The following MAST4 variants were observed in gnomAD, a reference collection of about 807,000 sequenced individuals.
MAST4 encodes microtubule-associated serine/threonine-protein kinase 4.
A neutral mutation model predicts 162.7 loss-of-function variants in MAST4; 89 were observed. The observed-to-expected ratio is 0.55, with a 90% CI of 0.46 to 0.65. MAST4 has a LOEUF of 0.65. Among genes scored for constraint, MAST4 ranks in the 30% least tolerant of loss-of-function variants. The probability of loss-of-function intolerance (pLI) is 0.00; values close to 1 mark genes in which losing one functional copy is unlikely to be tolerated. For synonymous variants in MAST4, 1,479 were observed against 1,361.1 expected (o/e 1.09, Z -1.91); for missense variants, 3,153 against 3,374.0 (o/e 0.93, Z 1.62).
At chr5:66,945,977 G>T (rs1251128204) in intron 4 of MAST4, among the ~76,000 whole-genome samples, 1 of 152,152 alleles carries the variant, frequency 6.6e-6, no homozygotes, top group Non-Finnish European at 1.5e-5. Context: ...TGTGTGTTAG[G>T]TAGAAGGGTT....
chr5:67,077,858 G>A (rs887549861), intron 5 of MAST4, among the ~76,000 whole-genome samples: 1 of 152,142 alleles, frequency 6.6e-6, no homozygotes, highest in African/African-American at 2.4e-5. Context: ...CCAGCACTTT[G>A]GGAGGCCGAG....
intron 1 of MAST4, among the ~76,000 whole-genome samples, chr5:66,688,158 T>G (rs1270715599): frequency 6.6e-6 from 1 of 152,222 alleles, no homozygotes; most frequent in Non-Finnish European, 1.5e-5. Context: ...CACTTCCCAG[T>G]AGGTTCACAA....
chr5:66,673,523 G>GTTTTTTTTT (rs1208217801), intron 1 of MAST4, among the ~76,000 whole-genome samples: 131 of 131,294 alleles, frequency 1.0e-3, no homozygotes, highest in South Asian at 1.8e-3. Context: ...TTTGTTTTTT[G>GTTTTTTTTT]TTTTTTGTTT....
At position 67,133,822 on chromosome 5, in the gene MAST4, G is replaced by C. The variant is rs1382414104; in HGVS notation, c.2226+176G>C. Reference sequence around the variant, plus strand: ...CCCATTTTTCTCCCTGGGCCTCTTTGAATTGTCTGCTCCCTCTACATTCCT... The same window carrying C: ...CCCATTTTTCTCCCTGGGCCTCTTTCAATTGTCTGCTCCCTCTACATTCCT... On this transcript the variant is annotated intron_variant, in intron 17 of 28. Transcript: ENST00000403625. 2.6e-5 allele frequency among the ~76,000 whole-genome samples: 4 copies of C among 152,140 alleles called. No homozygotes were observed. In the East Asian group the frequency reaches 7.7e-4, roughly 29 times the overall value.
At chr5:67,128,940 G>A (rs1768586171) in intron 14 of MAST4, among the ~76,000 whole-genome samples, 1 of 152,186 alleles carries the variant, frequency 6.6e-6, no homozygotes, top group Non-Finnish European at 1.5e-5. Context: ...TGAGAAAGGA[G>A]CCCATCCAAG....
At chr5:67,157,489 T>C (rs1772675612) in intron 26 of MAST4, among the ~76,000 whole-genome samples, 1 of 152,234 alleles carries the variant, frequency 6.6e-6, no homozygotes, top group Non-Finnish European at 1.5e-5. Flanking sequence ...ATGTGTCTCA[T>C]ACAATTTTAT....
intron 4 of MAST4, among the ~76,000 whole-genome samples, chr5:66,975,692 C>G (rs770388900): frequency 2.6e-5 from 4 of 152,072 alleles, no homozygotes; most frequent in Non-Finnish European, 4.4e-5. Flanking sequence ...GGGATGTATT[C>G]CCTGTTTAAA....
At position 67,163,630 on chromosome 5, in the gene MAST4, C is replaced by T. The variant is rs1258168665; in HGVS notation, c.4451C>T (p.Ala1484Val). ...CAGCGGGAGCAGTCCCAGCGGGAGG[C>T]GCCGCTGCAGAGCCTGGATGAGAAC... ...EVQREQSQRE[A>V]PLQSLDENVC... The change falls in exon 29 of 29, where the codon GCG becomes GTG. Residue 1484 changes from alanine (A) to valine (V), a missense_variant. Transcript: ENST00000403625. This position sits in a 1 kb window ranked among gnomAD's most constrained non-coding sequence, Gnocchi z 7.0. 6.2e-7 allele frequency: 1 copy of T among 1,604,954 alleles called. No homozygotes were observed. The highest frequency in any genetic ancestry group is 1.7e-5 in the Admixed American group (1 of 58,756).
intron 3 of MAST4, among the ~76,000 whole-genome samples, chr5:66,849,621 C>T (rs1759156569): frequency 6.6e-6 from 1 of 152,176 alleles, no homozygotes. Flanking sequence ...ATCACCTAGC[C>T]GAGCTCTGGT....
intron 1 of MAST4, among the ~76,000 whole-genome samples, chr5:66,610,260 A>G (rs1743204733): frequency 6.6e-6 from 1 of 152,016 alleles, no homozygotes. Flanking sequence ...CCTTTTTATA[A>G]GGATACCAGT....
At chr5:66,929,962 A>G (rs1285539750) in intron 4 of MAST4, among the ~76,000 whole-genome samples, 2 of 152,180 alleles carry the variant, frequency 1.3e-5, no homozygotes, top group Non-Finnish European at 2.9e-5. Flanking sequence ...TTGGCTTCCC[A>G]GTTATCTGCA....
intron 3 of MAST4, among the ~76,000 whole-genome samples, chr5:66,884,886 A>T (rs139126857): frequency 1.3e-5 from 2 of 152,192 alleles, no homozygotes; most frequent in African/African-American, 4.8e-5. Context: ...TAACCTTGCA[A>T]ATAGGTGAAA....
chr5:67,154,757 T>A (rs1055389879), intron 26 of MAST4, among the ~76,000 whole-genome samples: 5 of 152,216 alleles, frequency 3.3e-5, no homozygotes, highest in Non-Finnish European at 7.3e-5. Flanking sequence ...CTGCCTGTGT[T>A]CATAAAGGAA....
chr5:66,606,324 C>T lies in MAST4; in HGVS notation c.363+9306C>T, dbSNP rs117067799. On this transcript the variant is annotated intron_variant, in intron 1 of 28. Coordinates refer to ENST00000403625, the MANE Select transcript of MAST4 (RefSeq NM_001164664.2). ...TTGCTTGCTTCTTTTTCTAGAATGT[C>T]ATGGTATGTTTTCTTGCCTTATTCT... is the stretch of plus-strand genomic sequence containing the variant. Among the ~76,000 whole-genome samples, 111 of 152,198 alleles carry T rather than the reference C, an allele frequency of 7.3e-4. 1 individual carries two copies. The East Asian group carries it at 0.018, about 25-fold the overall frequency.
chr5:66,700,340 C>G (rs1052455352), intron 1 of MAST4, among the ~76,000 whole-genome samples: 61 of 151,546 alleles, frequency 4.0e-4, no homozygotes, highest in African/African-American at 1.2e-3. Flanking sequence ...TGTTCTCGCT[C>G]TTTTTTTTTG....
intron 2 of MAST4, among the ~76,000 whole-genome samples, chr5:66,767,403 T>C (rs1234512866): frequency 2.6e-5 from 4 of 152,094 alleles, no homozygotes; most frequent in Admixed American, 6.5e-5. Context: ...TAAATAGGCA[T>C]GTCAAGTAGG....
At chr5:66,597,462 T>TG (rs1233011514) in intron 1 of MAST4, among the ~76,000 whole-genome samples, 3 of 151,206 alleles carry the variant, frequency 2.0e-5, no homozygotes, top group Admixed American at 6.6e-5. Flanking sequence ...AGGAGTAGGG[T>TG]GGGGGGCAGC....
intron 3 of MAST4, among the ~76,000 whole-genome samples, chr5:66,790,940 T>G (rs1183915870): frequency 1.3e-5 from 2 of 152,228 alleles, no homozygotes; most frequent in Admixed American, 1.3e-4. Context: ...TAAATAGTAA[T>G]CCTGTATGTT....
intron 4 of MAST4, chr5:66,917,395 T>C: frequency 5.8e-6 from 1 of 172,082 alleles, no homozygotes. Context: ...ATGATGTCTT[T>C]TGCCAAATGA....
Sources: gnomAD v4.1 joint callset for allele counts (sites outside exome capture counted in the v4.1 genomes callset) on GRCh38, gnomAD v4.1.1 for gene constraint, Gnocchi (gnomAD v3.1) non-coding constraint, MANE v1.5 for transcripts, NCBI Gene and HGNC (gene_info 2026-07-23, HGNC 2026-07-21) for gene names.